CELSR1: variants seen among roughly 807,000 people sequenced by gnomAD.
CELSR1 encodes the protein cadherin EGF LAG seven-pass G-type receptor 1.
CELSR1 carries 110 observed loss-of-function variants against 249.1 expected under a neutral mutation model. The ratio of observed to expected loss-of-function variants is 0.44; its 90% CI spans 0.38 to 0.52. The LOEUF (loss-of-function observed/expected upper bound fraction) is 0.52. Ranked by LOEUF, CELSR1 falls within the 20% of genes least tolerant of loss-of-function variation. The probability of loss-of-function intolerance (pLI) is 0.00; values close to 1 mark genes in which losing one functional copy is unlikely to be tolerated. For synonymous variants in CELSR1, 2,113 were observed against 1,900.0 expected, an observed-to-expected ratio of 1.11 and a Z score of -2.92; for missense variants, 4,109 against 4,296.4, an observed-to-expected ratio of 0.96 and a Z score of 1.22.
Position 46,463,780 on chromosome 22 carries a change from G to A in CELSR1, c.4110C>T (p.Asp1370=), listed in dbSNP as rs767322198. The part of the protein sequence containing the change: ...CETEIDLCYS[D]PCGANGRCRS... ...GGCAGCGGCCGTTGGCGCCGCACGG[G>A]TCGGAGTAGCAGAGGTCGATCTCCG... is the stretch of plus-strand genomic sequence containing the variant. The change falls in exon 2 of 35, where the codon GAC becomes GAT. Residue 1370 remains aspartate, a synonymous_variant. Coordinates refer to ENST00000674500, the MANE Select transcript of CELSR1 (RefSeq NM_001378328.1). The A allele has an allele frequency of 1.9e-6, 3 of 1,595,566 alleles. No homozygotes were observed. In the East Asian group the frequency reaches 6.7e-5, roughly 36 times the overall value.
chr22:46,501,707 A>G (rs2080468152), intron 1 of CELSR1, among the ~76,000 whole-genome samples: 1 of 152,168 alleles, frequency 6.6e-6, no homozygotes, highest in Non-Finnish European at 1.5e-5. Context: ...TTGTTTTTAA[A>G]TGCCAAACAT....
At chr22:46,366,855 T>C (rs1476719131) in intron 29 of CELSR1, 138 bp downstream of exon 29, 20 of 1,245,616 alleles carry the variant, frequency 1.6e-5, no homozygotes, top group Non-Finnish European at 2.1e-5. Flanking sequence ...AGCCACACCG[T>C]GCACCGCGGG....
chr22:46,534,026 G>T lies in CELSR1; in HGVS notation c.3145C>A (p.Leu1049Met), dbSNP rs141539056. 6.2e-6 allele frequency: 10 copies of T among 1,613,726 alleles called. No homozygotes were observed. The highest frequency in any genetic ancestry group is 8.5e-6 in the Non-Finnish European group (10 of 1,180,036). The change falls in exon 1 of 35, where the codon CTG (leucine) becomes ATG (methionine). Residue 1049 changes from leucine (L) to methionine (M), a missense_variant. Coordinates refer to ENST00000674500, the MANE Select transcript of CELSR1 (RefSeq NM_001378328.1). The surrounding 1 kb of genome is among the most constrained non-coding windows in gnomAD (Gnocchi z 9.7). Reference sequence around the variant, plus strand: ...CGCAGGTCCCCGTTGAGCAGGTCCAGCTGGAAGAAATGCCGCATGTCCCCT... The same window carrying T: ...CGCAGGTCCCCGTTGAGCAGGTCCATCTGGAAGAAATGCCGCATGTCCCCT... ...VEGDMRHFFQ[L>M]DLLNGDLRAM...
In CELSR1 at chr22:46,377,282, G is replaced by A. The variant is rs1375303144; in HGVS notation, c.7384-21C>T. 5 of 1,612,310 alleles carry A rather than the reference G, an allele frequency of 3.1e-6. No individual in the cohort carries two copies. In the East Asian group the frequency reaches 6.7e-5, roughly 22 times the overall value. ...CCGTTCTATGGGCAGGAGGGTTAAAGGCAGGAGAGAAGGTAAGGGCCGAGG... is the reference window on the plus strand; with the variant it reads ...CCGTTCTATGGGCAGGAGGGTTAAAAGCAGGAGAGAAGGTAAGGGCCGAGG... On this transcript the variant is annotated intron_variant, in intron 23 of 34. Coordinates refer to ENST00000674500, the MANE Select transcript of CELSR1 (RefSeq NM_001378328.1).
chr22:46,432,505 A>C (rs1441654947), intron 5 of CELSR1, among the ~76,000 whole-genome samples: 1 of 152,240 alleles, frequency 6.6e-6, no homozygotes, highest in South Asian at 2.1e-4. Context: ...ACGCAGACCC[A>C]CGAGCAAGCG....
In CELSR1 at chr22:46,409,931, G is replaced by A; in HGVS notation, c.4934-51C>T. 6.2e-7 allele frequency: 1 copy of A among 1,602,318 alleles called. No individual in the cohort carries two copies. Reference sequence around the variant, plus strand: ...GCCTGACTCGGAGGAACCGCCCGGGGTCCCCGGCGCCAGACGTGGCGTGGG... The same window carrying A: ...GCCTGACTCGGAGGAACCGCCCGGGATCCCCGGCGCCAGACGTGGCGTGGG... On this transcript the variant is annotated intron_variant, in intron 7 of 34. Coordinates refer to ENST00000674500, the MANE Select transcript of CELSR1 (RefSeq NM_001378328.1). This position sits in a 1 kb window ranked among gnomAD's most constrained non-coding sequence, Gnocchi z 9.8.
Position 46,433,275 on chromosome 22 carries a change from T to C in CELSR1, c.4611+118A>G. 1 of 680,606 alleles carries C rather than the reference T, an allele frequency of 1.5e-6. No individual in the cohort carries two copies. Among genetic ancestry groups the C allele is most frequent in the Non-Finnish European group, 2.5e-6 (1 of 406,722 alleles). 42.2% of individuals were successfully genotyped at this position (680,606 alleles called of 1,614,324 possible). On this transcript the variant is annotated intron_variant, in intron 5 of 34. Transcript: ENST00000674500. The surrounding 1 kb of genome is among the most constrained non-coding windows in gnomAD (Gnocchi z 5.7). ...GTCTCGAGCTCCTGACCTCAGGTAATCCACCTGCCTTGGCCTCTCAAAGTG... is the reference window on the plus strand; with the variant it reads ...GTCTCGAGCTCCTGACCTCAGGTAACCCACCTGCCTTGGCCTCTCAAAGTG...
chr22:46,376,916 C>T, intron 24 of CELSR1, 145 bp downstream of exon 24: 1 of 795,180 alleles, frequency 1.3e-6, no homozygotes, highest in Non-Finnish European at 2.0e-6. Context: ...TGTGACCAGG[C>T]ACGTTCCTGA....
intron 9 of CELSR1, among the ~76,000 whole-genome samples, chr22:46,403,776 C>T (rs1220910078): frequency 1.3e-5 from 2 of 151,640 alleles, no homozygotes; most frequent in South Asian, 2.1e-4. Flanking sequence ...GGATCGAGAC[C>T]AGCATGGCCT....
Position 46,535,464 on chromosome 22 carries a change from G to A in CELSR1, c.1707C>T (p.Pro569=), listed in dbSNP as rs1395061683. ...CATTCTCCAGCACCGTGGCCTGGAAGGGGCTGCTCACAAAGATAGGCTCGT... is the reference window on the plus strand; with the variant it reads ...CATTCTCCAGCACCGTGGCCTGGAAAGGGCTGCTCACAAAGATAGGCTCGT... ...NDNEPIFVSS[P]FQATVLENVP... Residue 569 remains proline (P), a synonymous_variant, in exon 1 of 35, where the codon CCC becomes CCT. Transcript: ENST00000674500. 1 of 1,610,502 alleles carries A rather than the reference G, an allele frequency of 6.2e-7. No homozygotes were observed. The highest frequency in any genetic ancestry group is 8.5e-7 in the Non-Finnish European group (1 of 1,178,512).
At position 46,446,190 on chromosome 22, in the gene CELSR1, A is replaced by G. The variant is rs9627464; in HGVS notation, c.4184-6779T>C. 0.061 allele frequency among the ~76,000 whole-genome samples: 9,338 copies of G among 152,036 alleles called. 967 individuals are homozygous for G. Among genetic ancestry groups the G allele is most frequent in the African/African-American group, 0.21 (8,765 of 41,412 alleles). On this transcript the variant is annotated intron_variant, in intron 2 of 34. Coordinates refer to ENST00000674500, the MANE Select transcript of CELSR1 (RefSeq NM_001378328.1). The surrounding 1 kb of genome is among the most constrained non-coding windows in gnomAD (Gnocchi z 5.5). Reference sequence around the variant, plus strand: ...CCCACTGTCTCCCTCCTCCCAGGGCAGCTACAGATGGCCCTGTGCGTACAC... The same window carrying G: ...CCCACTGTCTCCCTCCTCCCAGGGCGGCTACAGATGGCCCTGTGCGTACAC...
Position 46,440,634 on chromosome 22 carries a change from G to T in CELSR1, c.4184-1223C>A, listed in dbSNP as rs2079734411. 6.6e-6 allele frequency among the ~76,000 whole-genome samples: 1 copy of T among 151,594 alleles called. No homozygotes were observed. Reference sequence around the variant, plus strand: ...ATTGACACTCTCTTTCCTAGAAGCTGCCTGAGTTTGTCTTTCTGCTGGGTT... The same window carrying T: ...ATTGACACTCTCTTTCCTAGAAGCTTCCTGAGTTTGTCTTTCTGCTGGGTT... On this transcript the variant is annotated intron_variant, in intron 2 of 34. Coordinates refer to ENST00000674500, the MANE Select transcript of CELSR1 (RefSeq NM_001378328.1). This position sits in a 1 kb window ranked among gnomAD's most constrained non-coding sequence, Gnocchi z 4.7.
At chr22:46,478,780 C>T (rs1392696859) in intron 1 of CELSR1, among the ~76,000 whole-genome samples, 2 of 151,658 alleles carry the variant, frequency 1.3e-5, no homozygotes, top group Non-Finnish European at 2.9e-5. Flanking sequence ...TCTCGAACTC[C>T]TGACCTTGTG....
rs532254308 is a variant in CELSR1, at chr22:46,468,031, C to T, written c.3545-3686G>A. Among the ~76,000 whole-genome samples, 6 of 152,140 alleles carry T rather than the reference C, an allele frequency of 3.9e-5. No homozygotes were observed. The South Asian group carries it at 6.2e-4, about 16-fold the overall frequency. ...TCAACCACACCTATGTTCATAGCAG[C>T]GCTATTCACAAGAGCTGAAACATGG... On this transcript the variant is annotated intron_variant, in intron 1 of 34. Transcript: ENST00000674500. This position sits in a 1 kb window ranked among gnomAD's most constrained non-coding sequence, Gnocchi z 4.5.
chr22:46,491,034 C>T (rs1224471692), intron 1 of CELSR1, among the ~76,000 whole-genome samples: 2 of 152,052 alleles, frequency 1.3e-5, no homozygotes, highest in Non-Finnish European at 2.9e-5. Context: ...ATGGAGGGCC[C>T]CCCAACATCC....
intron 1 of CELSR1, among the ~76,000 whole-genome samples, chr22:46,502,901 A>G (rs555825325): frequency 2.3e-4 from 35 of 152,300 alleles, no homozygotes; most frequent in African/African-American, 8.2e-4. Flanking sequence ...TGACCTTAAC[A>G]TAATTCCCGG....
intron 1 of CELSR1, among the ~76,000 whole-genome samples, chr22:46,504,491 C>T (rs1418574817): frequency 8.8e-5 from 11 of 125,450 alleles, no homozygotes; most frequent in South Asian, 2.8e-4. Context: ...CCCAGCCTGG[C>T]GACATCTGTC....
At position 46,427,763 on chromosome 22, in the gene CELSR1, A is replaced by G. The variant is rs781689997; in HGVS notation, c.4611+5630T>C. 2.8e-4 allele frequency among the ~76,000 whole-genome samples: 42 copies of G among 152,140 alleles called. No individual in the cohort carries two copies. Among genetic ancestry groups the G allele is most frequent in the African/African-American group, 4.3e-4 (18 of 41,478 alleles). The stretch of plus-strand genomic sequence containing the variant: ...CACTCAATTAACATGGAAGGGAGAG[A>G]AGGAGGGAGGGAAAGGGAAGGCTAC... On this transcript the variant is annotated intron_variant, in intron 5 of 34. Coordinates refer to ENST00000674500, the MANE Select transcript of CELSR1 (RefSeq NM_001378328.1). The surrounding 1 kb of genome is among the most constrained non-coding windows in gnomAD (Gnocchi z 4.2).
In CELSR1 at chr22:46,409,865, C is replaced by A; in HGVS notation, c.4949G>T (p.Arg1650Met). Reference protein sequence around the residue: ...NGTREGCAARRNFCDGRRCQN... With the variant: ...NGTREGCAARMNFCDGRRCQN... Reference sequence around the variant, plus strand: ...ACACCGCCTCCCATCGCAGAAGTTCCTCCGAGCAGCGCAGCCTGGCAACAC... The same window carrying A: ...ACACCGCCTCCCATCGCAGAAGTTCATCCGAGCAGCGCAGCCTGGCAACAC... Residue 1650 changes from arginine (R) to methionine (M), a missense_variant, in exon 8 of 35, where the codon AGG becomes ATG. Arg to Met is a moderately conservative substitution (Grantham distance 91). Transcript: ENST00000674500. This position sits in a 1 kb window ranked among gnomAD's most constrained non-coding sequence, Gnocchi z 9.8. 1 of 1,613,408 alleles carries A rather than the reference C, an allele frequency of 6.2e-7. No homozygotes were observed. Among genetic ancestry groups the A allele is most frequent in the South Asian group, 1.1e-5 (1 of 91,086 alleles).
Sources: gnomAD v4.1 joint callset for allele counts (sites outside exome capture counted in the v4.1 genomes callset) on GRCh38, gnomAD v4.1.1 for gene constraint, Gnocchi (gnomAD v3.1) non-coding constraint, MANE v1.5 for transcripts, NCBI Gene and HGNC (gene_info 2026-07-23, HGNC 2026-07-21) for gene names.